Variants in NPL observed in about 807,000 individuals in gnomAD.
The protein encoded by NPL is N-acetylneuraminate lyase.
A neutral mutation model predicts 41.1 loss-of-function variants in NPL; 32 were observed. The ratio of observed to expected loss-of-function variants is 0.78; its 90% CI spans 0.59 to 1.05. The LOEUF is 1.05. Ranked by LOEUF, NPL falls within the 50% of genes least tolerant of loss-of-function variation. The probability of loss-of-function intolerance (pLI) is 0.00; values close to 1 mark genes in which losing one functional copy is unlikely to be tolerated. For synonymous variants in NPL, 128 were observed against 134.9 expected (o/e 0.95, Z 0.35); for missense variants, 321 against 378.4 (o/e 0.85, Z 1.26).
At chr1:182,825,746 A>G (rs372202591) in intron 11 of NPL, 35 bp from the exon 12 acceptor site, 248 of 1,353,986 alleles carry the variant, frequency 1.8e-4, no homozygotes, top group Non-Finnish European at 2.5e-4. Context: ...ACACAGTTCA[A>G]TAATACTAAC....
intron 5 of NPL, 112 bp from the exon 6 acceptor site, chr1:182,812,044 T>G: frequency 2.1e-6 from 2 of 961,268 alleles, no homozygotes; most frequent in Non-Finnish European, 3.4e-6. Flanking sequence ...ACTTAATAAG[T>G]GAGATTAATA....
chr1:182,793,172 G>C (rs1183689128), intron 2 of NPL, among the ~76,000 whole-genome samples: 3 of 152,122 alleles, frequency 2.0e-5, no homozygotes, highest in African/African-American at 4.8e-5. Context: ...AATTGCATTT[G>C]TGGCTTTTTA....
chr1:182,807,517 C>G (rs984794610), intron 5 of NPL, among the ~76,000 whole-genome samples: 2 of 151,862 alleles, frequency 1.3e-5, no homozygotes, highest in Non-Finnish European at 2.9e-5. Context: ...TTCGTGAGAT[C>G]TAGGGTCCAA....
At chr1:182,806,701 C>A (rs919548548) in intron 5 of NPL, among the ~76,000 whole-genome samples, 1 of 152,152 alleles carries the variant, frequency 6.6e-6, no homozygotes, top group African/African-American at 2.4e-5. Context: ...CTTCCTCTTG[C>A]GCTGTTGGAG....
intron 3 of NPL, among the ~76,000 whole-genome samples, chr1:182,801,617 A>G (rs1435597305): frequency 6.6e-6 from 1 of 152,154 alleles, no homozygotes; most frequent in African/African-American, 2.4e-5. Flanking sequence ...TGGGAGGCTA[A>G]GGCAGGAGGA....
chr1:182,825,550 G>C (rs1428330740), intron 11 of NPL, among the ~76,000 whole-genome samples: 1 of 152,102 alleles, frequency 6.6e-6, no homozygotes, highest in Non-Finnish European at 1.5e-5. Flanking sequence ...CATCATTGAA[G>C]CTTCTTTTCT....
At chr1:182,801,739 G>A (rs780744738) in intron 3 of NPL, among the ~76,000 whole-genome samples, 1 of 152,200 alleles carries the variant, frequency 6.6e-6, no homozygotes, top group African/African-American at 2.4e-5. Context: ...GGGAGGCTGA[G>A]GCAAGAGAAT....
chr1:182,810,620 CTTT>C (rs1667148272), intron 5 of NPL, among the ~76,000 whole-genome samples: 1 of 151,940 alleles, frequency 6.6e-6, no homozygotes, highest in Non-Finnish European at 1.5e-5. Flanking sequence ...CCTAATGATT[CTTT>C]ATCTTTACTG....
chr1:182,791,058 A>T (rs1460104535), intron 1 of NPL, among the ~76,000 whole-genome samples: 1 of 152,196 alleles, frequency 6.6e-6, no homozygotes, highest in Admixed American at 6.5e-5. Flanking sequence ...CATTGCCCCC[A>T]GATGGCAGAC....
intron 8 of NPL, among the ~76,000 whole-genome samples, chr1:182,817,861 C>G (rs894153586): frequency 6.6e-6 from 1 of 152,198 alleles, no homozygotes; most frequent in East Asian, 1.9e-4. Context: ...TTCACGTATT[C>G]AGCAACCCAG....
chr1:182,792,566 A>AAG (rs1390011322), intron 2 of NPL, among the ~76,000 whole-genome samples: 2 of 152,230 alleles, frequency 1.3e-5, no homozygotes, highest in Admixed American at 6.5e-5. Context: ...CATGAAGCTC[A>AAG]AAGAGTGATT....
At chr1:182,813,726 A>T (rs1226541096) in intron 6 of NPL, among the ~76,000 whole-genome samples, 1 of 152,216 alleles carries the variant, frequency 6.6e-6, no homozygotes, top group Non-Finnish European at 1.5e-5. Flanking sequence ...AAGAGATAAT[A>T]ACATCGGTAT....
intron 10 of NPL, among the ~76,000 whole-genome samples, chr1:182,820,851 T>G (rs185042481): frequency 6.6e-6 from 1 of 152,342 alleles, no homozygotes; most frequent in East Asian, 1.9e-4. Flanking sequence ...ACCTGAGATT[T>G]AGGCAGGGAC....
At chr1:182,804,737 C>G (rs944876746) in intron 4 of NPL, among the ~76,000 whole-genome samples, 1 of 152,076 alleles carries the variant, frequency 6.6e-6, no homozygotes. Context: ...CCCTCCAGAG[C>G]CAGAGGTACC....
In NPL at chr1:182,825,806, T is replaced by G; in HGVS notation, c.764T>G (p.Phe255Cys). 1.9e-6 allele frequency: 3 copies of G among 1,601,932 alleles called. No homozygotes were observed. Among genetic ancestry groups the G allele is most frequent in the Non-Finnish European group, 2.6e-6 (3 of 1,170,904 alleles). Residue 255 changes from phenylalanine (F) to cysteine (C), a missense_variant, in exon 12 of 13, where the codon TTT becomes TGT. By Grantham distance (205) the Phe-to-Cys change is radical (BLOSUM62 -2). Transcript: ENST00000367553. ...TTTTGTATCCAGAGATTTATCAACT[T>G]TGTTGTCAAACTAGGTAAGTGCCAC... is the stretch of plus-strand genomic sequence containing the variant. ...YQFCIQRFIN[F>C]VVKLGFGVSQ...
At chr1:182,797,424 T>C (rs531264472) in intron 3 of NPL, among the ~76,000 whole-genome samples, 130 of 152,320 alleles carry the variant, frequency 8.5e-4, no homozygotes, top group African/African-American at 3.1e-3. Flanking sequence ...GATGATTCTT[T>C]AGCGCATTAA....
chr1:182,824,086 T>A (rs1257771905), intron 11 of NPL, among the ~76,000 whole-genome samples: 1 of 152,222 alleles, frequency 6.6e-6, no homozygotes. Context: ...TTAAGTGCCA[T>A]CTGTTATATT....
Position 182,819,006 on chromosome 1 carries a change from C to G in NPL, c.653+147C>G. On this transcript the variant is annotated intron_variant, in intron 10 of 12. Transcript: ENST00000367553. ...TCTTCCAGTGAAAGGGAATTAAATA[C>G]TGCTTAGCTGTTTGTTAGAAATTCA... 5.1e-6 allele frequency: 4 copies of G among 779,764 alleles called. No homozygotes were observed. The South Asian group carries it at 5.8e-5, about 11-fold the overall frequency. 48.3% of individuals were successfully genotyped at this position (779,764 alleles called of 1,614,324 possible).
In NPL at chr1:182,818,550, A is replaced by T; in HGVS notation, c.467A>T (p.Glu156Val). The change falls in exon 9 of 13, where the codon GAG becomes GTG. Residue 156 changes from glutamate to valine, a missense_variant. Transcript: ENST00000367553. ...PALTGVKIRA[E>V]ELLDGILDKI... ...TTATTATTTTGAGCAGTTCGTGCTGAGGAGTTGTTGGATGGGATTCTGGAT... is the reference window on the plus strand; with the variant it reads ...TTATTATTTTGAGCAGTTCGTGCTGTGGAGTTGTTGGATGGGATTCTGGAT... 6.2e-7 allele frequency: 1 copy of T among 1,614,152 alleles called. No homozygotes were observed. Among genetic ancestry groups the T allele is most frequent in the Non-Finnish European group, 8.5e-7 (1 of 1,180,040 alleles).
Sources: allele counts gnomAD v4.1 joint callset (sites outside exome capture counted in the v4.1 genomes callset), GRCh38; gene constraint gnomAD v4.1.1; transcripts MANE v1.5; gene names NCBI Gene and HGNC (gene_info 2026-07-23, HGNC 2026-07-21).